The following PCBP3 variants were observed in gnomAD, a reference collection of about 807,000 sequenced individuals.
The protein encoded by PCBP3 is poly(rC)-binding protein 3.
Under a neutral mutation model 52.7 loss-of-function variants are expected in PCBP3, and 25 were observed. The ratio of observed to expected loss-of-function variants is 0.47; its 90% CI spans 0.35 to 0.66. The LOEUF is 0.66. PCBP3 is among the 30% of genes least tolerant of loss of function. The probability of loss-of-function intolerance (pLI) is 0.01; values close to 1 mark genes in which losing one functional copy is unlikely to be tolerated. For missense variants in PCBP3, 391 were observed against 490.3 expected (o/e 0.80, Z 1.91); for synonymous variants, 162 against 183.0 (o/e 0.89, Z 0.93).
rs764098389 is a variant in PCBP3, at chr21:45,935,319, C to A, written c.909+14C>A. Reference sequence around the variant, plus strand: ...ATTCCCAATGATGTGAGTATGCCCGCTGTACCTGCCTGTCCCTGGGTAGAA... The same window carrying A: ...ATTCCCAATGATGTGAGTATGCCCGATGTACCTGCCTGTCCCTGGGTAGAA... On this transcript the variant is annotated intron_variant, in intron 16 of 17. Transcript: ENST00000681687. The A allele has an allele frequency of 6.3e-7, 1 of 1,595,116 alleles. No individual in the cohort carries two copies. The highest frequency in any genetic ancestry group is 2.3e-5 in the East Asian group (1 of 44,140).
intron 4 of PCBP3, among the ~76,000 whole-genome samples, chr21:45,771,755 G>A (rs541117638): frequency 1.3e-5 from 2 of 152,210 alleles, no homozygotes; most frequent in Non-Finnish European, 2.9e-5. Context: ...GGAGGTTCTA[G>A]CAAGTTCAAT....
chr21:45,862,923 C>T (rs2094564888), intron 5 of PCBP3, among the ~76,000 whole-genome samples: 1 of 152,240 alleles, frequency 6.6e-6, no homozygotes, highest in Non-Finnish European at 1.5e-5. Flanking sequence ...TACTCTGTGG[C>T]AGAAGTGCCT....
At chr21:45,716,533 C>G (rs2084236762) in intron 2 of PCBP3, among the ~76,000 whole-genome samples, 1 of 152,128 alleles carries the variant, frequency 6.6e-6, no homozygotes, top group Non-Finnish European at 1.5e-5. Flanking sequence ...CTTGCTGTGT[C>G]TTCACTGTTC....
At chr21:45,772,461 C>T (rs2089948938) in intron 4 of PCBP3, among the ~76,000 whole-genome samples, 3 of 152,048 alleles carry the variant, frequency 2.0e-5, no homozygotes, top group South Asian at 4.1e-4. Context: ...TATCCATTCA[C>T]CCTTTGATCA....
chr21:45,786,377 A>G (rs2091161878), intron 4 of PCBP3, among the ~76,000 whole-genome samples: 1 of 150,992 alleles, frequency 6.6e-6, no homozygotes, highest in Admixed American at 6.6e-5. Flanking sequence ...TGCAGCCTCT[A>G]CCTCCTGGGT....
Position 45,821,389 on chromosome 21 carries a change from C to T in PCBP3, c.-125-28572C>T, listed in dbSNP as rs2093131906. ...CCTGCACCACGCTGTGGGCCCCGCACCCTCCCCCAACTCTTTTCTACAACA... is the reference window on the plus strand; with the variant it reads ...CCTGCACCACGCTGTGGGCCCCGCATCCTCCCCCAACTCTTTTCTACAACA... On this transcript the variant is annotated intron_variant, in intron 4 of 17. Coordinates refer to ENST00000681687, the MANE Select transcript of PCBP3 (RefSeq NM_001384156.1). The surrounding 1 kb of genome is among the most constrained non-coding windows in gnomAD (Gnocchi z 4.4). Among the ~76,000 whole-genome samples the T allele has an allele frequency of 1.3e-5, 2 of 151,508 alleles. No individual in the cohort carries two copies. Among genetic ancestry groups the T allele is most frequent in the Non-Finnish European group, 1.5e-5 (1 of 67,854 alleles).
intron 2 of PCBP3, among the ~76,000 whole-genome samples, chr21:45,701,542 ATTAT>A (rs770281068): frequency 3.7e-4 from 56 of 152,316 alleles, no homozygotes; most frequent in Non-Finnish European, 7.4e-4. Context: ...AAAACATTTT[ATTAT>A]TTATTTATTG....
chr21:45,801,627 T>C (rs2092307753), intron 4 of PCBP3, among the ~76,000 whole-genome samples: 1 of 112,048 alleles, frequency 8.9e-6, no homozygotes, highest in South Asian at 3.8e-4. Flanking sequence ...ACAGCCGCAC[T>C]TGTTGTGACA....
intron 16 of PCBP3, 124 bp downstream of exon 16, chr21:45,935,429 C>A: frequency 1.4e-6 from 1 of 731,148 alleles, no homozygotes. Flanking sequence ...ACCCCAACCC[C>A]ACTGTTTGAT....
At chr21:45,919,832 TGTGTGCGC>T (rs10588338) in intron 13 of PCBP3, among the ~76,000 whole-genome samples, 58,058 of 149,744 alleles carry the variant, frequency 0.39, 11,857 homozygotes, top group African/African-American at 0.55. Flanking sequence ...TGTGTGTGTG[TGTGTGCGC>T]GCGCGCGTGC....
At chr21:45,706,087 G>C (rs1164261290) in intron 2 of PCBP3, among the ~76,000 whole-genome samples, 1 of 152,170 alleles carries the variant, frequency 6.6e-6, no homozygotes, top group Admixed American at 6.5e-5. Flanking sequence ...TTGTGTTTTA[G>C]AAAATCCTCC....
At chr21:45,676,452 A>G (rs1468200003) in intron 2 of PCBP3, among the ~76,000 whole-genome samples, 3 of 152,056 alleles carry the variant, frequency 2.0e-5, no homozygotes, top group Non-Finnish European at 2.9e-5. Flanking sequence ...AGCATTGCTT[A>G]CTTCATGTCT....
chr21:45,797,420 C>A (rs928815828), intron 4 of PCBP3, among the ~76,000 whole-genome samples: 1 of 149,442 alleles, frequency 6.7e-6, no homozygotes, highest in Non-Finnish European at 1.5e-5. Flanking sequence ...AGAGTGAATG[C>A]GTGGATGGAC....
intron 4 of PCBP3, among the ~76,000 whole-genome samples, chr21:45,839,835 C>T (rs1267023283): frequency 4.0e-5 from 6 of 151,812 alleles, no homozygotes; most frequent in South Asian, 4.2e-4. Context: ...TGCAGGCGCC[C>T]GCCACCACAC....
chr21:45,728,265 A>G (rs1263490044), intron 2 of PCBP3, among the ~76,000 whole-genome samples: 1 of 152,226 alleles, frequency 6.6e-6, no homozygotes, highest in Non-Finnish European at 1.5e-5. Flanking sequence ...AGAGTCCTTA[A>G]ATTCCCAGGT....
At chr21:45,716,802 TCTGA>T (rs1477682632) in intron 2 of PCBP3, among the ~76,000 whole-genome samples, 1 of 152,136 alleles carries the variant, frequency 6.6e-6, no homozygotes, top group Non-Finnish European at 1.5e-5. Flanking sequence ...ATGTGAGTCT[TCTGA>T]CTTTGTTTTT....
intron 11 of PCBP3, among the ~76,000 whole-genome samples, chr21:45,912,055 T>C (rs2096406007): frequency 6.6e-6 from 1 of 152,104 alleles, no homozygotes; most frequent in Non-Finnish European, 1.5e-5. Context: ...AGGGCCGAGG[T>C]CCAGCTCCTC....
chr21:45,701,786 C>G (rs2083144548), intron 2 of PCBP3, among the ~76,000 whole-genome samples: 1 of 152,216 alleles, frequency 6.6e-6, no homozygotes, highest in South Asian at 2.1e-4. Flanking sequence ...CCTTGAACTC[C>G]TGACCTCAAA....
chr21:45,824,244 C>G (rs1276975568), intron 4 of PCBP3, among the ~76,000 whole-genome samples: 1 of 152,182 alleles, frequency 6.6e-6, no homozygotes, highest in African/African-American at 2.4e-5. Context: ...GTCTAAGGAT[C>G]ACATCACTGC....
Sources: allele counts gnomAD v4.1 joint callset (sites outside exome capture counted in the v4.1 genomes callset), GRCh38; gene constraint gnomAD v4.1.1; non-coding constraint Gnocchi (gnomAD v3.1); transcripts MANE v1.5; gene names NCBI Gene and HGNC (gene_info 2026-07-23, HGNC 2026-07-21).